The following CAMTA1 variants were observed in gnomAD, a reference collection of about 807,000 sequenced individuals.
CAMTA1 encodes calmodulin-binding transcription activator 1.
CAMTA1 carries 27 observed loss-of-function variants against 170.9 expected under a neutral mutation model. That is an observed-to-expected ratio of 0.16 (90% confidence interval 0.12 to 0.22). CAMTA1 has a LOEUF of 0.22. Ranked by LOEUF, CAMTA1 falls within the 10% of genes least tolerant of loss-of-function variation. The pLI, the probability that CAMTA1 is intolerant of heterozygous loss-of-function variation, is 1.00. For synonymous variants in CAMTA1, 833 were observed against 891.5 expected (o/e 0.93, Z 1.17); for missense variants, 1,619 against 2,217.2 (o/e 0.73, Z 5.42).
intron 3 of CAMTA1, among the ~76,000 whole-genome samples, chr1:6,841,036 A>G (rs2148691177): frequency 6.6e-6 from 1 of 152,238 alleles, no homozygotes; most frequent in Non-Finnish European, 1.5e-5. Flanking sequence ...CTAGAGAGGA[A>G]TCTGTTTCCT....
At chr1:7,439,245 C>T (rs2092446132) in intron 5 of CAMTA1, among the ~76,000 whole-genome samples, 1 of 152,164 alleles carries the variant, frequency 6.6e-6, no homozygotes, top group African/African-American at 2.4e-5. Context: ...CTGCCTGGGT[C>T]CATGCTGCCA....
chr1:7,706,990 G>T (rs1207083110), intron 11 of CAMTA1, among the ~76,000 whole-genome samples: 1 of 150,516 alleles, frequency 6.6e-6, no homozygotes, highest in Admixed American at 6.7e-5. Context: ...GGGTTCAAGT[G>T]ATTCTCCTGC....
intron 6 of CAMTA1, among the ~76,000 whole-genome samples, chr1:7,529,119 G>A (rs1257833392): frequency 6.6e-6 from 1 of 152,166 alleles, no homozygotes; most frequent in East Asian, 1.9e-4. Context: ...GGTCTGTTGT[G>A]GATATGGAAT....
Position 7,300,135 on chromosome 1 carries a change from G to A in CAMTA1, c.438+50509G>A, listed in dbSNP as rs562834313. Among the ~76,000 whole-genome samples the A allele has an allele frequency of 6.6e-5, 10 of 152,174 alleles. No homozygotes were observed. In the South Asian group the frequency reaches 1.9e-3, roughly 28 times the overall value. Reference sequence around the variant, plus strand: ...GCATTCTTAAAAAAAAATTCCCTTCGCAATAAAGCACCAGATTGAATGTCC... The same window carrying A: ...GCATTCTTAAAAAAAAATTCCCTTCACAATAAAGCACCAGATTGAATGTCC... On this transcript the variant is annotated intron_variant, in intron 5 of 22. Transcript: ENST00000303635. The surrounding 1 kb of genome is among the most constrained non-coding windows in gnomAD (Gnocchi z 4.1).
At chr1:7,049,146 G>A (rs1476241718) in intron 3 of CAMTA1, among the ~76,000 whole-genome samples, 3 of 152,194 alleles carry the variant, frequency 2.0e-5, no homozygotes, top group Non-Finnish European at 4.4e-5. Flanking sequence ...TTTCAAGTCT[G>A]GGGGTTCATG....
intron 11 of CAMTA1, among the ~76,000 whole-genome samples, chr1:7,706,693 C>G (rs913949539): frequency 5.9e-5 from 9 of 152,100 alleles, no homozygotes; most frequent in Admixed American, 5.2e-4. Context: ...TAAATTTAAC[C>G]TAGTAGTGAA....
In CAMTA1 at chr1:7,064,277, A is replaced by T. The variant is rs1572795807; in HGVS notation, c.235-27027A>T. On this transcript the variant is annotated intron_variant, in intron 3 of 22. Transcript: ENST00000303635. This position sits in a 1 kb window ranked among gnomAD's most constrained non-coding sequence, Gnocchi z 5.4. ...TTCTTCCTCTTGTTCTCTCTCTCTC[A>T]CTCTCTCCCTCCCTCCCTCTCTCCT... Among the ~76,000 whole-genome samples the T allele has an allele frequency of 6.9e-6, 1 of 145,470 alleles. No individual in the cohort carries two copies. The highest frequency in any genetic ancestry group is 2.6e-5 in the African/African-American group (1 of 39,030).
intron 4 of CAMTA1, among the ~76,000 whole-genome samples, chr1:7,121,908 A>G (rs1644665541): frequency 6.6e-6 from 1 of 151,780 alleles, no homozygotes. Flanking sequence ...GTTCTAGGGG[A>G]GGGCACTGCC....
chr1:7,698,769 C>T (rs1193452295), intron 11 of CAMTA1: 1 of 148,942 alleles, frequency 6.7e-6, no homozygotes, highest in African/African-American at 2.5e-5. Context: ...ACAGACTCAC[C>T]CCTGGCTTTT....
At chr1:6,901,904 G>A (rs1212324076) in intron 3 of CAMTA1, among the ~76,000 whole-genome samples, 1 of 151,880 alleles carries the variant, frequency 6.6e-6, no homozygotes, top group East Asian at 1.9e-4. Flanking sequence ...AAATTAGCCG[G>A]GCATGGTGGT....
intron 4 of CAMTA1, among the ~76,000 whole-genome samples, chr1:7,183,520 T>C (rs1324498618): frequency 6.6e-6 from 1 of 152,230 alleles, no homozygotes; most frequent in Non-Finnish European, 1.5e-5. Flanking sequence ...GGTTATCCAC[T>C]GCAGCATTAC....
intron 5 of CAMTA1, among the ~76,000 whole-genome samples, chr1:7,428,825 G>A (rs910769199): frequency 1.3e-5 from 2 of 152,036 alleles, no homozygotes; most frequent in African/African-American, 4.8e-5. Flanking sequence ...GGAGCTGGTT[G>A]TCTGTGTGCG....
intron 3 of CAMTA1, among the ~76,000 whole-genome samples, chr1:6,919,038 G>T (rs766184411): frequency 6.6e-6 from 1 of 152,152 alleles, no homozygotes; most frequent in South Asian, 2.1e-4. Flanking sequence ...TTGGGCTGGC[G>T]TCTTTCTGTT....
intron 5 of CAMTA1, among the ~76,000 whole-genome samples, chr1:7,462,802 T>C (rs187697338): frequency 1.3e-5 from 2 of 152,226 alleles, no homozygotes; most frequent in Non-Finnish European, 2.9e-5. Flanking sequence ...ATCTGCTCTC[T>C]GACTCTTAGC....
intron 6 of CAMTA1, among the ~76,000 whole-genome samples, chr1:7,611,607 G>A (rs2095524215): frequency 1.3e-5 from 2 of 152,236 alleles, no homozygotes; most frequent in African/African-American, 2.4e-5. Context: ...GGGCTGCTGG[G>A]GGGCCAAGCT....
chr1:6,892,947 A>G (rs1557776661), intron 3 of CAMTA1, among the ~76,000 whole-genome samples: 3 of 152,162 alleles, frequency 2.0e-5, no homozygotes, highest in East Asian at 3.9e-4. Flanking sequence ...TTTTATCTTC[A>G]GAAATAAAGA....
intron 7 of CAMTA1, among the ~76,000 whole-genome samples, chr1:7,644,761 G>A (rs1253206280): frequency 6.6e-6 from 1 of 152,232 alleles, no homozygotes; most frequent in Non-Finnish European, 1.5e-5. Flanking sequence ...ACTCCTAGTT[G>A]CAAGAGAGTC....
chr1:7,460,593 GC>G (rs79831740), intron 5 of CAMTA1, among the ~76,000 whole-genome samples: 72,424 of 149,608 alleles, frequency 0.48, 17,943 homozygotes, highest in African/African-American at 0.57. Flanking sequence ...GGCTGTGACT[GC>G]CCCCCCCAAC....
At chr1:6,916,802 G>A (rs189781997) in intron 3 of CAMTA1, among the ~76,000 whole-genome samples, 57 of 152,314 alleles carry the variant, frequency 3.7e-4, no homozygotes, top group African/African-American at 1.4e-3. Flanking sequence ...AGATAGATAC[G>A]TCATGGACAC....
Sources: gnomAD v4.1 joint callset for allele counts (sites outside exome capture counted in the v4.1 genomes callset) on GRCh38, gnomAD v4.1.1 for gene constraint, Gnocchi (gnomAD v3.1) non-coding constraint, MANE v1.5 for transcripts, NCBI Gene and HGNC (gene_info 2026-07-23, HGNC 2026-07-21) for gene names.